ANO3: variants seen among roughly 807,000 people sequenced by gnomAD.
The protein encoded by ANO3 is anoctamin-3.
A neutral mutation model predicts 144.8 loss-of-function variants in ANO3; 99 were observed. The observed-to-expected ratio is 0.68, with a 90% confidence interval of 0.58 to 0.81. The LOEUF (loss-of-function observed/expected upper bound fraction) is 0.81, where lower values mean the gene tolerates loss of function less well. Ranked by LOEUF, ANO3 falls within the 30% of genes least tolerant of loss-of-function variation. ANO3 has a pLI of 0.00. For synonymous variants in ANO3, 414 were observed against 392.6 expected (o/e 1.05, Z -0.64); for missense variants, 905 against 1,202.2 (o/e 0.75, Z 3.66).
chr11:26,413,165 C>G (rs987913977), intron 1 of ANO3, among the ~76,000 whole-genome samples: 2 of 151,926 alleles, frequency 1.3e-5, no homozygotes, highest in African/African-American at 4.8e-5. Context: ...TTTGGCTTGG[C>G]ACTATGTTGC....
At chr11:26,544,281 T>TATATATAC (rs1849729404) in intron 11 of ANO3, among the ~76,000 whole-genome samples, 6 of 86,984 alleles carry the variant, frequency 6.9e-5, no homozygotes, top group African/African-American at 2.0e-4. Flanking sequence ...TATACACACA[T>TATATATAC]ACACACACAC....
intron 6 of ANO3, among the ~76,000 whole-genome samples, chr11:26,522,460 T>C (rs539455696): frequency 6.6e-6 from 1 of 152,228 alleles, no homozygotes; most frequent in Admixed American, 6.5e-5. Flanking sequence ...CATTTACTTA[T>C]AATATGAAGT....
intron 14 of ANO3, chr11:26,565,938 A>G (rs1850563435): frequency 6.8e-7 from 1 of 1,473,312 alleles, no homozygotes; most frequent in Non-Finnish European, 9.1e-7. Flanking sequence ...TAAATAAAAT[A>G]CTCTGAGTTT....
At chr11:26,191,015 C>G (rs191032494) in intron 1 of ANO3, among the ~76,000 whole-genome samples, 1 of 152,240 alleles carries the variant, frequency 6.6e-6, no homozygotes, top group African/African-American at 2.4e-5. Context: ...CCATGACAGC[C>G]TCTGTACCCA....
chr11:26,343,454 G>T (rs149842403), intron 1 of ANO3, among the ~76,000 whole-genome samples: 1 of 151,986 alleles, frequency 6.6e-6, no homozygotes. Flanking sequence ...TTTTTATTTT[G>T]GGGGGTCCTC....
chr11:26,441,169 G>A (rs1407590878), intron 1 of ANO3, among the ~76,000 whole-genome samples: 1 of 137,862 alleles, frequency 7.3e-6, no homozygotes, highest in Admixed American at 7.7e-5. Context: ...CCAGGCTGGA[G>A]TGCAGTGGCG....
chr11:26,410,333 T>A (rs963836153), intron 1 of ANO3, among the ~76,000 whole-genome samples: 4 of 151,968 alleles, frequency 2.6e-5, no homozygotes, highest in African/African-American at 7.2e-5. Flanking sequence ...GATGCATGCC[T>A]GTATTTGAAG....
intron 1 of ANO3, among the ~76,000 whole-genome samples, chr11:26,303,571 G>A (rs150769356): frequency 5.3e-5 from 8 of 152,208 alleles, no homozygotes. Flanking sequence ...GGAACGCATG[G>A]ACTGAAAAAC....
intron 1 of ANO3, among the ~76,000 whole-genome samples, chr11:26,270,804 A>G (rs1037539187): frequency 1.2e-4 from 18 of 152,236 alleles, no homozygotes; most frequent in Non-Finnish European, 2.2e-4. Flanking sequence ...GACATATGAA[A>G]AGGATGCTTT....
chr11:26,195,409 G>T (rs946933993), intron 1 of ANO3, among the ~76,000 whole-genome samples: 3 of 152,126 alleles, frequency 2.0e-5, no homozygotes, highest in African/African-American at 7.2e-5. Flanking sequence ...TTTGTTCCCA[G>T]TCCGGACAAA....
At chr11:26,456,972 A>G (rs965071761) in intron 3 of ANO3, among the ~76,000 whole-genome samples, 1 of 151,052 alleles carries the variant, frequency 6.6e-6, no homozygotes, top group Non-Finnish European at 1.5e-5. Context: ...AACTATCGCA[A>G]CAACAAAAAT....
chr11:26,385,893 G>GTTTATATATA (rs1183332896), intron 1 of ANO3, among the ~76,000 whole-genome samples: 6 of 143,692 alleles, frequency 4.2e-5, no homozygotes, highest in Non-Finnish European at 6.1e-5. Context: ...CTTTGTGTGT[G>GTTTATATATA]TATATATATT....
At chr11:26,624,667 TAG>T (rs1053782972) in intron 18 of ANO3, among the ~76,000 whole-genome samples, 169 bp downstream of exon 18, 1 of 152,328 alleles carries the variant, frequency 6.6e-6, no homozygotes, top group South Asian at 2.1e-4. Context: ...TGAATAACAA[TAG>T]AGAGACAATG....
chr11:26,577,578 AAAGAG>A (rs1472326313), intron 14 of ANO3, among the ~76,000 whole-genome samples: 3 of 151,882 alleles, frequency 2.0e-5, no homozygotes, highest in Non-Finnish European at 4.4e-5. Context: ...AAAAAAAAAA[AAAGAG>A]AGAGAGAGAG....
chr11:26,276,695 G>C (rs964319239), intron 1 of ANO3, among the ~76,000 whole-genome samples: 1 of 152,058 alleles, frequency 6.6e-6, no homozygotes, highest in Non-Finnish European at 1.5e-5. Context: ...AATTCAATGC[G>C]TTTGAAATAT....
chr11:26,223,687 A>G (rs1387359677), intron 1 of ANO3, among the ~76,000 whole-genome samples: 1 of 151,670 alleles, frequency 6.6e-6, no homozygotes, highest in Admixed American at 6.6e-5. Context: ...CAAGCTGTAC[A>G]TGAAGCATGG....
At chr11:26,640,168 T>G (rs1375430005) in intron 21 of ANO3, among the ~76,000 whole-genome samples, 1 of 152,084 alleles carries the variant, frequency 6.6e-6, no homozygotes, top group Non-Finnish European at 1.5e-5. Flanking sequence ...TACCCAGACC[T>G]GGTTTAAATT....
chr11:26,336,869 T>G (rs2133894391), intron 1 of ANO3, among the ~76,000 whole-genome samples: 1 of 152,334 alleles, frequency 6.6e-6, no homozygotes, highest in East Asian at 1.9e-4. Flanking sequence ...TGTCTCTCAT[T>G]AAAATAATTC....
chr11:26,316,745 T>C (rs1055761820), intron 1 of ANO3, among the ~76,000 whole-genome samples: 9 of 152,194 alleles, frequency 5.9e-5, no homozygotes, highest in African/African-American at 1.9e-4. Context: ...AGGGTCGCAT[T>C]CCATCCCCAG....
Sources: allele counts gnomAD v4.1 joint callset (sites outside exome capture counted in the v4.1 genomes callset), GRCh38; gene constraint gnomAD v4.1.1; transcripts MANE v1.5; gene names NCBI Gene and HGNC (gene_info 2026-07-23, HGNC 2026-07-21).